The following OAS1 variants were observed in gnomAD, a reference collection of about 807,000 sequenced individuals.
The protein encoded by OAS1 is 2'-5'-oligoadenylate synthase 1.
In OAS1, 24 loss-of-function variants were observed where a neutral mutation model predicts 38.5. That is an observed-to-expected ratio of 0.62 (90% confidence interval 0.45 to 0.88). OAS1 has a LOEUF of 0.88. Ranked by LOEUF, OAS1 falls within the 40% of genes least tolerant of loss-of-function variation. The probability of loss-of-function intolerance (pLI) is 0.00; values close to 1 mark genes in which losing one functional copy is unlikely to be tolerated. For synonymous variants in OAS1, 169 were observed against 193.9 expected (o/e 0.87, Z 1.07); for missense variants, 482 against 493.9 (o/e 0.98, Z 0.23).
chr12:112,912,915 C>T (rs1050057561), intron 3 of OAS1, among the ~76,000 whole-genome samples: 3 of 152,170 alleles, frequency 2.0e-5, no homozygotes, highest in African/African-American at 7.2e-5. Flanking sequence ...TCAAGTGCCT[C>T]GAAGTATTAT....
At position 112,916,583 on chromosome 12, in the gene OAS1, G is replaced by T; in HGVS notation, c.729G>T (p.Gly243=). 1 of 1,614,174 alleles carries T rather than the reference G, an allele frequency of 6.2e-7. No homozygotes were observed. Among genetic ancestry groups the T allele is most frequent in the South Asian group, 1.1e-5 (1 of 91,080 alleles). Residue 243 remains glycine (G), a synonymous_variant, in exon 4 of 6, where the codon GGG becomes GGT. Coordinates refer to ENST00000202917, the MANE Select transcript of OAS1 (RefSeq NM_016816.4). ...ELLTVYAWER[G]SMKTHFNTAQ... is the part of the protein sequence containing the mutation. Reference sequence around the variant, plus strand: ...TGACGGTCTATGCTTGGGAGCGAGGGAGCATGAAAACACATTTCAACACAG... The same window carrying T: ...TGACGGTCTATGCTTGGGAGCGAGGTAGCATGAAAACACATTTCAACACAG...
chr12:112,919,780 C>G lies in OAS1; in HGVS notation c.*227C>G. 7.0e-7 allele frequency: 1 copy of G among 1,430,866 alleles called. No homozygotes were observed. The highest frequency in any genetic ancestry group is 9.2e-7 in the Non-Finnish European group (1 of 1,081,622). The allele number at this position is 1,430,866 out of a possible 1,614,324, so 88.6% of individuals were successfully genotyped here. On this transcript the variant is annotated 3_prime_UTR_variant, in exon 6 of 6. Transcript: ENST00000202917. ...TCCACCTATTCTCTGAAAATATTCC[C>G]TGAGAGAGAACAGAGAGATTTAGAT...
In OAS1 at chr12:112,916,741, A is replaced by T. The variant is rs773970916; in HGVS notation, c.884+3A>T. The T allele has an allele frequency of 6.8e-6, 11 of 1,607,702 alleles. No individual in the cohort carries two copies. The highest frequency in any genetic ancestry group is 9.4e-6 in the Non-Finnish European group (11 of 1,174,216). On this transcript the variant is annotated splice_donor_region_variant and intron_variant, in intron 4 of 5. Coordinates refer to ENST00000202917, the MANE Select transcript of OAS1 (RefSeq NM_016816.4). ...AGAAGGCAGCTCACGAAACCCAGGTATGCTATCCCCACATGGCTTAGCTCC... is the reference window on the plus strand; with the variant it reads ...AGAAGGCAGCTCACGAAACCCAGGTTTGCTATCCCCACATGGCTTAGCTCC...
chr12:112,920,797 T>C (rs1045488671), downstream of OAS1, among the ~76,000 whole-genome samples: 14 of 152,338 alleles, frequency 9.2e-5, no homozygotes, highest in Admixed American at 2.0e-4. Context: ...GTCCAGATTA[T>C]ATTCTTCCAT....
At chr12:112,914,345 A>G (rs1184750215) in intron 3 of OAS1, among the ~76,000 whole-genome samples, 1 of 152,148 alleles carries the variant, frequency 6.6e-6, no homozygotes, top group Non-Finnish European at 1.5e-5. Flanking sequence ...TCATTGATTG[A>G]TGGGCATTTG....
At chr12:112,914,444 C>T (rs2043426638) in intron 3 of OAS1, among the ~76,000 whole-genome samples, 1 of 152,186 alleles carries the variant, frequency 6.6e-6, no homozygotes, top group African/African-American at 2.4e-5. Flanking sequence ...TTCTTTTCCT[C>T]TGGGTAGATA....
downstream of OAS1, among the ~76,000 whole-genome samples, chr12:112,924,466 T>TTA (rs56117205): frequency 0.74 from 111,907 of 150,770 alleles, 42,819 homozygotes; most frequent in African/African-American, 0.93. Flanking sequence ...CATCTATATT[T>TTA]TATATATATA....
downstream of OAS1, among the ~76,000 whole-genome samples, chr12:112,921,306 T>TCC: frequency 6.6e-6 from 1 of 152,362 alleles, no homozygotes; most frequent in Admixed American, 6.5e-5. Flanking sequence ...TCCATGCTGA[T>TCC]AGGCAAGTGT....
intron 1 of OAS1, among the ~76,000 whole-genome samples, chr12:112,908,295 A>G (rs1159374756): frequency 6.6e-6 from 1 of 152,216 alleles, no homozygotes; most frequent in East Asian, 1.9e-4. Context: ...GCCACCTACT[A>G]GCTGGGTGAT....
downstream of OAS1, among the ~76,000 whole-genome samples, chr12:112,923,807 T>G (rs914006817): frequency 6.6e-6 from 1 of 152,174 alleles, no homozygotes; most frequent in African/African-American, 2.4e-5. Flanking sequence ...GAATACACAA[T>G]GGGGAAAGGA....
chr12:112,918,048 A>AT, intron 5 of OAS1: 6 of 666,378 alleles, frequency 9.0e-6, no homozygotes, highest in Non-Finnish European at 1.2e-5. Flanking sequence ...ATTTTTAAAA[A>AT]TTTTTTATTA....
At position 112,919,824 on chromosome 12, in the gene OAS1, C is replaced by G. The variant is rs1050758943; in HGVS notation, c.*271C>G. The G allele has an allele frequency of 6.3e-6, 8 of 1,278,710 alleles. No individual in the cohort carries two copies. Among genetic ancestry groups the G allele is most frequent in the Non-Finnish European group, 8.4e-6 (8 of 955,142 alleles). The allele number at this position is 1,278,710 out of a possible 1,614,324, so 79.2% of individuals were successfully genotyped here. The stretch of plus-strand genomic sequence containing the variant: ...TTTAGATAAGAGAATGAAATTCCAG[C>G]CTTGACTTTCTTCTGTGCACCTGAT... On this transcript the variant is annotated 3_prime_UTR_variant, in exon 6 of 6. Coordinates refer to ENST00000202917, the MANE Select transcript of OAS1 (RefSeq NM_016816.4).
chr12:112,909,009 A>G (rs1213226607), intron 2 of OAS1, 185 bp downstream of exon 2: 7 of 547,710 alleles, frequency 1.3e-5, no homozygotes, highest in Non-Finnish European at 2.1e-5. Context: ...TAAACAGCAA[A>G]TTGGCATAAT....
At chr12:112,917,332 A>G (rs2043474947) in intron 4 of OAS1, among the ~76,000 whole-genome samples, 1 of 152,128 alleles carries the variant, frequency 6.6e-6, no homozygotes, top group African/African-American at 2.4e-5. Context: ...GTGGGATTCA[A>G]ACCCACATCT....
chr12:112,915,386 C>G (rs1371302226), intron 3 of OAS1, among the ~76,000 whole-genome samples: 1 of 152,126 alleles, frequency 6.6e-6, no homozygotes, highest in East Asian at 1.9e-4. Context: ...GTCCTTTCCC[C>G]ATTTTATGTT....
chr12:112,928,729 T>A (rs1020572052), intron 6 of OAS1, among the ~76,000 whole-genome samples: 1 of 152,172 alleles, frequency 6.6e-6, no homozygotes, highest in Non-Finnish European at 1.5e-5. Context: ...CCACTGGCCA[T>A]GCAAGTCACA....
chr12:112,917,993 T>G (rs2043487574), intron 5 of OAS1: 1 of 1,209,968 alleles, frequency 8.3e-7, no homozygotes, highest in African/African-American at 1.5e-5. Context: ...CTAAGCCCTT[T>G]AATATGCACT....
intron 3 of OAS1, among the ~76,000 whole-genome samples, chr12:112,912,997 C>T (rs952820572): frequency 1.3e-5 from 2 of 152,214 alleles, no homozygotes; most frequent in Non-Finnish European, 2.9e-5. Flanking sequence ...TTCTGTCTTA[C>T]ACCTCTAACA....
chr12:112,931,421 C>G (rs2043595947), intron 6 of OAS1, among the ~76,000 whole-genome samples: 1 of 152,188 alleles, frequency 6.6e-6, no homozygotes, highest in African/African-American at 2.4e-5. Flanking sequence ...TATGCCATTT[C>G]CCTATCTCTA....
Sources: gnomAD v4.1 joint callset for allele counts (sites outside exome capture counted in the v4.1 genomes callset) on GRCh38, gnomAD v4.1.1 for gene constraint, MANE v1.5 for transcripts, NCBI Gene and HGNC (gene_info 2026-07-23, HGNC 2026-07-21) for gene names.